The following FAM83E variants were observed in gnomAD, a reference collection of about 807,000 sequenced individuals.
FAM83E encodes the protein protein FAM83E.
In FAM83E, 29 loss-of-function variants were observed where a neutral mutation model predicts 34.3. That is an observed-to-expected ratio of 0.85 (90% CI 0.63 to 1.15). The LOEUF is 1.15. Among genes scored for constraint, FAM83E ranks in the 50% most tolerant of loss-of-function variants. The pLI is 0.00. For missense variants in FAM83E, 697 were observed against 685.0 expected (o/e 1.02, Z -0.20); for synonymous variants, 312 against 311.6 (o/e 1.00, Z -0.01).
At position 48,609,965 on chromosome 19, in the gene FAM83E, G is replaced by C; in HGVS notation, c.669C>G (p.Phe223Leu). Residue 223 changes from phenylalanine (F) to leucine (L), a missense_variant, in exon 5 of 7, where the codon TTC (phenylalanine) becomes TTG (leucine). Phe to Leu is a conservative substitution (Grantham distance 22, BLOSUM62 0). Transcript: ENST00000263266. ...VDVRVVRGCS[F>L]QSRWRRQVSG... is the part of the protein sequence containing the mutation. ...TCACCTGCCGTCGCCAGCGGCTCTG[G>C]AAGCTGCAGCCCCGCACGACACGGA... is the stretch of plus-strand genomic sequence containing the variant. 2.5e-6 allele frequency: 4 copies of C among 1,613,058 alleles called. No homozygotes were observed. Among genetic ancestry groups the C allele is most frequent in the Non-Finnish European group, 2.5e-6 (3 of 1,180,016 alleles).
At chr19:48,612,734 TG>T (rs1568422034) in intron 3 of FAM83E, among the ~76,000 whole-genome samples, 173 bp downstream of exon 3, 1 of 152,026 alleles carries the variant, frequency 6.6e-6, no homozygotes. Flanking sequence ...GGATGAGGTC[TG>T]GGGTTGTAGG....
At chr19:48,609,010 C>A (rs1340230532) in intron 5 of FAM83E, among the ~76,000 whole-genome samples, 1 of 152,056 alleles carries the variant, frequency 6.6e-6, no homozygotes, top group Admixed American at 6.6e-5. Flanking sequence ...CAAAGACTTA[C>A]CCAGCCCGAG....
intron 5 of FAM83E, chr19:48,606,916 G>A (rs1035544002): frequency 2.8e-5 from 43 of 1,560,050 alleles, no homozygotes; most frequent in East Asian, 2.3e-4. Flanking sequence ...TTCATTCAGC[G>A]GTTCCGGGAG....
chr19:48,612,655 G>A (rs1974063644), intron 3 of FAM83E, among the ~76,000 whole-genome samples: 1 of 138,286 alleles, frequency 7.2e-6, no homozygotes, highest in African/African-American at 2.7e-5. Context: ...GTCCACCTCG[G>A]CCTCCCAAAG....
chr19:48,601,391 G>A, intron 6 of FAM83E, 22 bp from the exon 7 acceptor site: 1 of 1,555,758 alleles, frequency 6.4e-7, no homozygotes, highest in African/African-American at 1.4e-5. Flanking sequence ...AAGAGAGGGA[G>A]GTGAGAGGAG....
At chr19:48,608,002 T>G (rs1973967115) in intron 5 of FAM83E, among the ~76,000 whole-genome samples, 1 of 152,228 alleles carries the variant, frequency 6.6e-6, no homozygotes, top group African/African-American at 2.4e-5. Flanking sequence ...GTGTGGTCCC[T>G]GGACCAGAAA....
In FAM83E at chr19:48,610,834, A is replaced by T. The variant is rs1601131414; in HGVS notation, c.479T>A (p.Val160Asp). 2 of 1,593,786 alleles carry T rather than the reference A, an allele frequency of 1.3e-6. No individual in the cohort carries two copies. The highest frequency in any genetic ancestry group is 4.5e-5 in the East Asian group (2 of 44,070). The stretch of plus-strand genomic sequence containing the variant: ...GTCTGGGTCAGTGAAGACGTCCATG[A>T]CCACGGCCACCAGCTGGGCATGGGG... ...IQAAHKLVAV[V>D]MDVFTDPDLL... is the part of the protein sequence containing the mutation. Residue 160 changes from valine (V) to aspartate (D), a missense_variant, in exon 4 of 7, where the codon GTC (valine) becomes GAC (aspartate). Transcript: ENST00000263266.
chr19:48,610,922 C>G, intron 3 of FAM83E, 75 bp from the exon 4 acceptor site: 1 of 1,456,684 alleles, frequency 6.9e-7, no homozygotes, highest in Non-Finnish European at 9.3e-7. Flanking sequence ...TGTGGGAAAC[C>G]TGACATCTGG....
chr19:48,613,338 A>G lies in FAM83E; in HGVS notation c.35T>C (p.Val12Ala). The G allele has an allele frequency of 1.9e-6, 3 of 1,584,620 alleles. No individual in the cohort carries two copies. The highest frequency in any genetic ancestry group is 2.6e-6 in the Non-Finnish European group (3 of 1,166,666). The change falls in exon 3 of 7, where the codon GTG becomes GCG. Residue 12 changes from valine to alanine, a missense_variant. Transcript: ENST00000263266. Reference sequence around the variant, plus strand: ...CCCGGGCACCCTGGGACCGGAGTCCACTCCTTCCAGCGCCGCCAGCTGGGA... The same window carrying G: ...CCCGGGCACCCTGGGACCGGAGTCCGCTCCTTCCAGCGCCGCCAGCTGGGA... ...AASQLAALEG[V>A]DSGPRVPGAS... is the part of the protein sequence containing the mutation.
Position 48,601,134 on chromosome 19 carries a change from C to T in FAM83E, c.1412G>A (p.Arg471Gln), listed in dbSNP as rs928838850. The T allele has an allele frequency of 1.4e-5, 22 of 1,612,390 alleles. No individual in the cohort carries two copies. Among genetic ancestry groups the T allele is most frequent in the Non-Finnish European group, 1.8e-5 (21 of 1,179,628 alleles). ...TCAGGGTTGCCCCCCAAGTCCTGCC[C>T]GGGGGGCCCAGTCTGACGGCCTGAC... ...RGVRPSDWAP[R>Q]AGLGGQP Residue 471 changes from arginine to glutamine, a missense_variant, in exon 7 of 7, where the codon CGG becomes CAG. Physicochemically the swap from Arg to Gln is conservative, Grantham distance 43 (BLOSUM62 1). Transcript: ENST00000263266.
intron 5 of FAM83E, among the ~76,000 whole-genome samples, chr19:48,608,698 G>A (rs933816930): frequency 1.1e-4 from 17 of 150,996 alleles, no homozygotes; most frequent in Admixed American, 5.9e-4. Flanking sequence ...CACCTGCCTC[G>A]GCCTCCCAAA....
At chr19:48,602,855 A>ATTT (rs1224985553) in intron 6 of FAM83E, among the ~76,000 whole-genome samples, 5 of 137,340 alleles carry the variant, frequency 3.6e-5, no homozygotes, top group African/African-American at 1.4e-4. Context: ...TATTATTATT[A>ATTT]TTATTATTAT....
chr19:48,607,631 T>G (rs1973959546), intron 5 of FAM83E: 1 of 476,472 alleles, frequency 2.1e-6, no homozygotes. Flanking sequence ...AGGATGCTTC[T>G]CTCCATTGGT....
At chr19:48,605,459 CA>C (rs1266664423) in intron 5 of FAM83E, among the ~76,000 whole-genome samples, 1 of 152,162 alleles carries the variant, frequency 6.6e-6, no homozygotes, top group East Asian at 1.9e-4. Context: ...CCTATAGTCC[CA>C]GCTACTCTGG....
chr19:48,614,252 C>T lies in FAM83E; in HGVS notation c.-880G>A. Reference sequence around the variant, plus strand: ...TACAGGGGTCTCCATTACTATGGGACAGGTCTATGATCTTCACAGCCCATC... The same window carrying T: ...TACAGGGGTCTCCATTACTATGGGATAGGTCTATGATCTTCACAGCCCATC... On this transcript the variant is annotated 5_prime_UTR_variant, in exon 3 of 7. Transcript: ENST00000263266. The T allele has an allele frequency of 2.0e-6, 2 of 985,492 alleles. No individual in the cohort carries two copies. Among genetic ancestry groups the T allele is most frequent in the South Asian group, 9.4e-5 (2 of 21,296 alleles). The allele number at this position is 985,492 out of a possible 1,614,324, so 61.0% of individuals were successfully genotyped here.
chr19:48,601,542 A>G (rs1973815830), intron 6 of FAM83E, among the ~76,000 whole-genome samples, 173 bp from the exon 7 acceptor site: 1 of 150,860 alleles, frequency 6.6e-6, no homozygotes, highest in Non-Finnish European at 1.5e-5. Context: ...AGGTGGGTGG[A>G]TCACCTGAGG....
In FAM83E at chr19:48,614,443, G is replaced by C; in HGVS notation, c.-1071C>G. On this transcript the variant is annotated 5_prime_UTR_variant, in exon 3 of 7. Transcript: ENST00000263266. ...AATGCTATCTCCTGCCAGCTACCCG[G>C]ACGCTTCTTCCCGGACAGGGGCCAG... 1 of 985,506 alleles carries C rather than the reference G, an allele frequency of 1.0e-6. No homozygotes were observed. Among genetic ancestry groups the C allele is most frequent in the Non-Finnish European group, 1.2e-6 (1 of 830,128 alleles). The allele number at this position is 985,506 out of a possible 1,614,324, so 61.0% of individuals were successfully genotyped here. A position where few individuals can be genotyped will look rare whatever the true frequency, so the allele number is the denominator to read the frequency against.
chr19:48,605,019 CAAAAAA>C (rs72014229), intron 5 of FAM83E, among the ~76,000 whole-genome samples: 9 of 75,700 alleles, frequency 1.2e-4, no homozygotes, highest in African/African-American at 4.0e-4. Context: ...GACTCTGACT[CAAAAAA>C]AAAAAAAAAA....
At chr19:48,601,838 G>A (rs1414658603) in intron 6 of FAM83E, among the ~76,000 whole-genome samples, 1 of 149,666 alleles carries the variant, frequency 6.7e-6, no homozygotes, top group African/African-American at 2.5e-5. Context: ...AGGGAGGGAA[G>A]AGAGGAGAGA....
Sources: gnomAD v4.1 joint callset for allele counts (sites outside exome capture counted in the v4.1 genomes callset) on GRCh38, gnomAD v4.1.1 for gene constraint, MANE v1.5 for transcripts, NCBI Gene and HGNC (gene_info 2026-07-23, HGNC 2026-07-21) for gene names.